Variants in QTMAN observed in about 807,000 individuals in gnomAD.
QTMAN encodes the protein queuosine-tRNA mannosyltransferase.
At chr2:144,082,046 C>T in the QTMAN span, among the ~76,000 whole-genome samples, 3 of 152,086 alleles carry the variant, frequency 2.0e-5, no homozygotes, top group African/African-American at 7.2e-5. Context: ...CATCACCACA[C>T]CTCGCTAATT....
the QTMAN span, among the ~76,000 whole-genome samples, chr2:144,078,169 T>C: frequency 6.6e-6 from 1 of 152,164 alleles, no homozygotes; most frequent in Non-Finnish European, 1.5e-5. Context: ...TACAACACAA[T>C]CCACCAACAG....
At chr2:144,258,238 C>G in the QTMAN span, among the ~76,000 whole-genome samples, 1 of 140,536 alleles carries the variant, frequency 7.1e-6, no homozygotes, top group Admixed American at 7.0e-5. Context: ...AAAACAAAAA[C>G]AAAAAACAGC....
chr2:143,998,676 C>T, the QTMAN span, among the ~76,000 whole-genome samples: 1 of 152,032 alleles, frequency 6.6e-6, no homozygotes, highest in Non-Finnish European at 1.5e-5. Context: ...AAATAATCTA[C>T]AGGGATCTTC....
chr2:144,291,969 T>C, the QTMAN span, among the ~76,000 whole-genome samples: 2 of 152,170 alleles, frequency 1.3e-5, no homozygotes, highest in Non-Finnish European at 2.9e-5. Context: ...AGATGAAACA[T>C]GCGGGTTCAA....
the QTMAN span, among the ~76,000 whole-genome samples, chr2:144,302,859 G>C: frequency 1.4e-4 from 21 of 152,126 alleles, no homozygotes; most frequent in Admixed American, 1.3e-3. Flanking sequence ...CTAGCACTTT[G>C]GGAGGCCGAG....
chr2:144,039,971 T>C, the QTMAN span, among the ~76,000 whole-genome samples: 2 of 152,206 alleles, frequency 1.3e-5, no homozygotes, highest in African/African-American at 4.8e-5. Context: ...AAGAACCTAC[T>C]CTGCTTTAAG....
At chr2:144,124,720 C>T in the QTMAN span, among the ~76,000 whole-genome samples, 1 of 152,080 alleles carries the variant, frequency 6.6e-6, no homozygotes, top group Admixed American at 6.6e-5. Context: ...TTTCTGCTAC[C>T]TTGTGTTCCT....
chr2:144,213,750 G>A, the QTMAN span, among the ~76,000 whole-genome samples: 20 of 152,222 alleles, frequency 1.3e-4, no homozygotes, highest in African/African-American at 4.6e-4. Flanking sequence ...TGCAATATTT[G>A]GAAACTTAAG....
chr2:144,266,444 T>C, the QTMAN span, among the ~76,000 whole-genome samples: 1 of 152,200 alleles, frequency 6.6e-6, no homozygotes, highest in Non-Finnish European at 1.5e-5. Context: ...TCCTTATCCA[T>C]AAAATTTTCT....
the QTMAN span, among the ~76,000 whole-genome samples, chr2:144,277,245 T>A: frequency 2.0e-5 from 3 of 152,170 alleles, no homozygotes; most frequent in Non-Finnish European, 4.4e-5. Context: ...TTTAAAATTA[T>A]ACACATGGCT....
the QTMAN span, among the ~76,000 whole-genome samples, chr2:144,294,737 G>A: frequency 6.6e-6 from 1 of 152,110 alleles, no homozygotes; most frequent in African/African-American, 2.4e-5. Flanking sequence ...AATTGGACTT[G>A]TTCAGTTTTG....
the QTMAN span, among the ~76,000 whole-genome samples, chr2:144,137,248 A>C: frequency 1.3e-5 from 2 of 152,180 alleles, no homozygotes; most frequent in African/African-American, 4.8e-5. Flanking sequence ...ATTACCATTT[A>C]ATCTCTCTTA....
chr2:144,146,547 A>G, the QTMAN span, among the ~76,000 whole-genome samples: 1 of 151,850 alleles, frequency 6.6e-6, no homozygotes, highest in South Asian at 2.1e-4. Context: ...ACCAGGAAGA[A>G]CAGAAAAGAT....
chr2:144,324,475 C>G, the QTMAN span, among the ~76,000 whole-genome samples: 2 of 152,136 alleles, frequency 1.3e-5, no homozygotes, highest in Non-Finnish European at 2.9e-5. Context: ...TAGGAGAAAA[C>G]TGAAACTCGG....
the QTMAN span, among the ~76,000 whole-genome samples, chr2:144,221,371 A>G: frequency 6.6e-6 from 1 of 152,362 alleles, no homozygotes; most frequent in South Asian, 2.1e-4. Flanking sequence ...TCATGATTAA[A>G]TGATTAATGA....
chr2:144,293,480 T>C, the QTMAN span, among the ~76,000 whole-genome samples: 1 of 152,190 alleles, frequency 6.6e-6, no homozygotes, highest in Non-Finnish European at 1.5e-5. Context: ...AGGGCAAATC[T>C]CAGTAACAAG....
chr2:144,092,397 G>T, the QTMAN span, among the ~76,000 whole-genome samples: 1 of 152,030 alleles, frequency 6.6e-6, no homozygotes, highest in Non-Finnish European at 1.5e-5. Flanking sequence ...GGATGGTCTT[G>T]ATCTCCTGAC....
the QTMAN span, among the ~76,000 whole-genome samples, chr2:144,094,558 G>T: frequency 2.0e-5 from 3 of 152,140 alleles, no homozygotes; most frequent in South Asian, 2.1e-4. Flanking sequence ...GGGAGAATAA[G>T]TGCAAGCAGG....
the QTMAN span, among the ~76,000 whole-genome samples, chr2:144,058,053 C>T: frequency 2.7e-5 from 4 of 146,302 alleles, no homozygotes; most frequent in Admixed American, 7.0e-5. Flanking sequence ...AAAGTCATTG[C>T]GAAGATTGCA....
Sources: allele counts gnomAD v4.1 joint callset (sites outside exome capture counted in the v4.1 genomes callset), GRCh38; gene constraint gnomAD v4.1.1; transcripts MANE v1.5; gene names NCBI Gene and HGNC (gene_info 2026-07-23, HGNC 2026-07-21).